LRRC36: variants seen among roughly 807,000 people sequenced by gnomAD.
LRRC36 encodes the protein leucine-rich repeat-containing protein 36.
A neutral mutation model predicts 81.1 loss-of-function variants in LRRC36; 62 were observed. The ratio of observed to expected loss-of-function variants is 0.76; its 90% CI spans 0.62 to 0.94. The LOEUF (loss-of-function observed/expected upper bound fraction) is 0.94, where lower values mean the gene tolerates loss of function less well. Ranked by LOEUF, LRRC36 falls within the 40% of genes least tolerant of loss-of-function variation. LRRC36 has a pLI of 0.00. For synonymous variants in LRRC36, 334 were observed against 348.6 expected, an observed-to-expected ratio of 0.96 and a Z score of 0.47; for missense variants, 761 against 881.7, an observed-to-expected ratio of 0.86 and a Z score of 1.73.
At chr16:67,366,246 C>T (rs2039380196) in intron 7 of LRRC36, among the ~76,000 whole-genome samples, 3 of 152,116 alleles carry the variant, frequency 2.0e-5, no homozygotes, top group South Asian at 4.2e-4. Flanking sequence ...TAACCTCAAA[C>T]TTCTGGGCTC....
At chr16:67,349,111 C>T (rs999760612) in intron 4 of LRRC36, among the ~76,000 whole-genome samples, 8 of 152,080 alleles carry the variant, frequency 5.3e-5, no homozygotes, top group Non-Finnish European at 1.2e-4. Flanking sequence ...ATTTTAAATG[C>T]AATGGGTAAC....
chr16:67,382,362 G>A, intron 13 of LRRC36, 115 bp downstream of exon 13: 1 of 677,426 alleles, frequency 1.5e-6, no homozygotes, highest in Non-Finnish European at 2.5e-6. Flanking sequence ...TCCATTCTGT[G>A]TGTAAACCTC....
At chr16:67,383,412 G>A (rs955362853) in intron 13 of LRRC36, among the ~76,000 whole-genome samples, 2 of 152,160 alleles carry the variant, frequency 1.3e-5, no homozygotes, top group African/African-American at 4.8e-5. Context: ...TCAAACTTGG[G>A]TATGCCTCCA....
At chr16:67,343,754 A>C (rs908503376) in intron 2 of LRRC36, among the ~76,000 whole-genome samples, 3 of 152,042 alleles carry the variant, frequency 2.0e-5, no homozygotes, top group Admixed American at 2.0e-4. Context: ...GACTCCTGGT[A>C]CAGTGCTTGG....
At chr16:67,332,136 T>C (rs2037523380) in intron 1 of LRRC36, among the ~76,000 whole-genome samples, 1 of 152,232 alleles carries the variant, frequency 6.6e-6, no homozygotes, top group Non-Finnish European at 1.5e-5. Context: ...TATTTTCAAA[T>C]AGCAAATTTT....
chr16:67,346,220 A>C, intron 2 of LRRC36, 36 bp from the exon 3 acceptor site: 1 of 1,341,764 alleles, frequency 7.5e-7, no homozygotes, highest in Non-Finnish European at 1.0e-6. Context: ...AGTCTTTACC[A>C]ATATGCCATT....
intron 1 of LRRC36, among the ~76,000 whole-genome samples, chr16:67,328,839 C>G (rs2037336754): frequency 7.3e-6 from 1 of 137,564 alleles, no homozygotes; most frequent in Non-Finnish European, 1.5e-5. Context: ...ACCCCCTACA[C>G]TGACTATTTT....
intron 1 of LRRC36, 118 bp downstream of exon 1, chr16:67,327,050 A>G (rs1597406392): frequency 4.0e-6 from 3 of 747,392 alleles, no homozygotes; most frequent in Non-Finnish European, 1.9e-6. Flanking sequence ...GAGAAGCGGT[A>G]CCTGAGGCTG....
chr16:67,343,584 A>G (rs1360863425), intron 2 of LRRC36, among the ~76,000 whole-genome samples: 2 of 151,642 alleles, frequency 1.3e-5, no homozygotes, highest in Admixed American at 6.6e-5. Flanking sequence ...AGTCCCAGCT[A>G]CTTGGGAGGC....
chr16:67,353,056 C>G (rs2038731031), intron 5 of LRRC36, among the ~76,000 whole-genome samples: 1 of 152,076 alleles, frequency 6.6e-6, no homozygotes, highest in Admixed American at 6.6e-5. Context: ...GCTTTGACAA[C>G]CTGCACTGGT....
rs545549739 is a variant in LRRC36, at chr16:67,363,787, T to C, written c.702+73T>C. 2.6e-6 allele frequency: 4 copies of C among 1,532,716 alleles called. No individual in the cohort carries two copies. The South Asian group carries it at 4.7e-5, about 18-fold the overall frequency. 94.9% of individuals were successfully genotyped at this position (1,532,716 alleles called of 1,614,324 possible). ...TACTGATAATTCAGTGGGCTCTCAA[T>C]TATTTATGAAGGTCTCAGAGGACTT... On this transcript the variant is annotated intron_variant, in intron 6 of 13. Coordinates refer to ENST00000329956, the MANE Select transcript of LRRC36 (RefSeq NM_018296.6).
At chr16:67,377,629 G>A (rs2039953303) in intron 11 of LRRC36, among the ~76,000 whole-genome samples, 1 of 151,640 alleles carries the variant, frequency 6.6e-6, no homozygotes, top group African/African-American at 2.4e-5. Context: ...ACTGCACCTG[G>A]CCGCCTTTTT....
At chr16:67,327,736 T>TA (rs1331250848) in intron 1 of LRRC36, among the ~76,000 whole-genome samples, 1 of 152,204 alleles carries the variant, frequency 6.6e-6, no homozygotes, top group African/African-American at 2.4e-5. Context: ...AACCTTGGAA[T>TA]ATTTCAGTGT....
At chr16:67,366,203 A>AGT (rs2039377974) in intron 7 of LRRC36, among the ~76,000 whole-genome samples, 1 of 151,420 alleles carries the variant, frequency 6.6e-6, no homozygotes, top group African/African-American at 2.4e-5. Context: ...CCCAGGCTGG[A>AGT]GTACAGTACA....
intron 5 of LRRC36, among the ~76,000 whole-genome samples, chr16:67,360,943 T>TC (rs11452705): frequency 0.084 from 12,710 of 152,012 alleles, 1,751 homozygotes; most frequent in African/African-American, 0.29. Flanking sequence ...TTCATTCAAG[T>TC]CCCCCCAGAA....
At chr16:67,350,113 C>A in intron 4 of LRRC36, 89 bp from the exon 5 acceptor site, 3 of 882,496 alleles carry the variant, frequency 3.4e-6, no homozygotes, top group South Asian at 1.6e-5. Flanking sequence ...ATCTGATCAC[C>A]ATAGACTGCT....
At position 67,346,789 on chromosome 16, in the gene LRRC36, TTTGGGGGCTTAG is replaced by T. The variant is rs1274037625; in HGVS notation, c.391+357_391+368del. On this transcript the variant is annotated intron_variant, in intron 3 of 13. Coordinates refer to ENST00000329956, the MANE Select transcript of LRRC36 (RefSeq NM_018296.6). The stretch of plus-strand genomic sequence containing the variant: ...AGCAATAGAAAGCTAATACAATTTA[TTTGGGGGCTTAG>T]TTGGGGGCTTAGTTGAAGAAATATT... Among the ~76,000 whole-genome samples, 6 of 152,304 alleles carry T rather than the reference TTTGGGGGCTTAG, an allele frequency of 3.9e-5. 1 individual carries two copies. The East Asian group carries it at 5.8e-4, about 15-fold the overall frequency.
intron 5 of LRRC36, among the ~76,000 whole-genome samples, chr16:67,362,949 A>G (rs1382931721): frequency 1.3e-5 from 2 of 151,952 alleles, no homozygotes; most frequent in African/African-American, 4.8e-5. Flanking sequence ...GGCCCGGCTA[A>G]TTTTTGTATT....
chr16:67,370,679 C>T (rs1359946806), intron 8 of LRRC36, among the ~76,000 whole-genome samples: 3 of 150,558 alleles, frequency 2.0e-5, no homozygotes, highest in Admixed American at 6.6e-5. Context: ...CCACTAAGGG[C>T]GCAGTTACAA....
Sources: gnomAD v4.1 joint callset for allele counts (sites outside exome capture counted in the v4.1 genomes callset) on GRCh38, gnomAD v4.1.1 for gene constraint, MANE v1.5 for transcripts, NCBI Gene and HGNC (gene_info 2026-07-23, HGNC 2026-07-21) for gene names.